The following ANO10 variants were observed in gnomAD, a reference collection of about 807,000 sequenced individuals.
The protein encoded by ANO10 is anoctamin 10.
Under a neutral mutation model 74.7 loss-of-function variants are expected in ANO10, and 77 were observed. The observed-to-expected ratio is 1.03, with a 90% CI of 0.86 to 1.25. The LOEUF (loss-of-function observed/expected upper bound fraction) is 1.25, where lower values mean the gene tolerates loss of function less well. Among genes scored for constraint, ANO10 ranks in the 50% most tolerant of loss-of-function variants. The pLI is 0.00. For missense variants in ANO10, 721 were observed against 778.1 expected (o/e 0.93, Z 0.87); for synonymous variants, 279 against 284.9 (o/e 0.98, Z 0.21).
intron 7 of ANO10, among the ~76,000 whole-genome samples, chr3:43,567,059 A>T (rs374272804): frequency 5.9e-5 from 9 of 152,102 alleles, no homozygotes; most frequent in Non-Finnish European, 1.3e-4. Flanking sequence ...GAGCTGATGC[A>T]ATCAACTGGA....
intron 11 of ANO10, among the ~76,000 whole-genome samples, chr3:43,511,678 A>G (rs930787762): frequency 6.6e-6 from 1 of 152,132 alleles, no homozygotes; most frequent in Non-Finnish European, 1.5e-5. Context: ...CCTGCTACCT[A>G]AGAGGATCAG....
At chr3:43,467,796 T>A (rs1360326804) in intron 11 of ANO10, among the ~76,000 whole-genome samples, 1 of 152,230 alleles carries the variant, frequency 6.6e-6, no homozygotes, top group Non-Finnish European at 1.5e-5. Context: ...GCAGTGATCC[T>A]TCCTTAACTC....
chr3:43,505,724 G>C lies in ANO10; in HGVS notation c.1797+43996C>G, dbSNP rs989219366. On this transcript the variant is annotated intron_variant, in intron 11 of 12. Transcript: ENST00000292246. ...AGAAATGAAAAACTGTCAGCCAGTGGGTTTGAATTTGTTATTATTCTGCAG... is the reference window on the plus strand; with the variant it reads ...AGAAATGAAAAACTGTCAGCCAGTGCGTTTGAATTTGTTATTATTCTGCAG... Among the ~76,000 whole-genome samples the C allele has an allele frequency of 3.3e-5, 5 of 152,058 alleles. No individual in the cohort carries two copies. The South Asian group carries it at 6.2e-4, about 19-fold the overall frequency.
chr3:43,396,787 A>G (rs114352883), intron 12 of ANO10, among the ~76,000 whole-genome samples: 195 of 151,852 alleles, frequency 1.3e-3, no homozygotes, highest in African/African-American at 4.6e-3. Flanking sequence ...TCCTGCCTTC[A>G]CCTCCTGAAT....
intron 11 of ANO10, among the ~76,000 whole-genome samples, chr3:43,539,260 C>A (rs931172201): frequency 6.6e-6 from 1 of 152,098 alleles, no homozygotes; most frequent in Admixed American, 6.5e-5. Context: ...GCTCAACACA[C>A]AACTCAATAT....
chr3:43,373,216 CA>C (rs2091680914), intron 12 of ANO10, among the ~76,000 whole-genome samples: 1 of 151,364 alleles, frequency 6.6e-6, no homozygotes, highest in Non-Finnish European at 1.5e-5. Context: ...GGGTGAGGGT[CA>C]GGGGTGGAGT....
intron 12 of ANO10, among the ~76,000 whole-genome samples, chr3:43,411,901 G>C (rs2092670855): frequency 6.6e-6 from 1 of 151,822 alleles, no homozygotes; most frequent in South Asian, 2.1e-4. Context: ...CAAAGACTTA[G>C]TTTTTTTCCT....
At chr3:43,516,466 A>G (rs540511659) in intron 11 of ANO10, among the ~76,000 whole-genome samples, 26 of 152,216 alleles carry the variant, frequency 1.7e-4, no homozygotes, top group Non-Finnish European at 3.5e-4. Flanking sequence ...CGAAAGACAG[A>G]TAAGAGGAGA....
rs1461713006 is a variant in ANO10, at chr3:43,563,424, T to G, written c.1294-2022A>C. On this transcript the variant is annotated intron_variant, in intron 8 of 12. Transcript: ENST00000292246. ...TAAAAGAGTATGGCGAGAGGTTTTT[T>G]TTTTTTTTTTTTTGAGACATCTAAA... is the stretch of plus-strand genomic sequence containing the variant. 6.4e-4 allele frequency among the ~76,000 whole-genome samples: 96 copies of G among 151,054 alleles called. 1 individual carries two copies. Among genetic ancestry groups the G allele is most frequent in the African/African-American group, 2.1e-3 (88 of 41,364 alleles).
chr3:43,679,082 G>A (rs775673710), intron 1 of ANO10, among the ~76,000 whole-genome samples: 21 of 152,210 alleles, frequency 1.4e-4, no homozygotes, highest in Admixed American at 5.2e-4. Flanking sequence ...GGGGAGTGTC[G>A]GACAGTGGGT....
chr3:43,585,658 C>T (rs919198019), intron 4 of ANO10, among the ~76,000 whole-genome samples: 1 of 152,188 alleles, frequency 6.6e-6, no homozygotes, highest in Non-Finnish European at 1.5e-5. Flanking sequence ...GTGATTTCCA[C>T]ATTATCAATG....
At chr3:43,608,372 G>GTCTT (rs2082657087) in intron 1 of ANO10, among the ~76,000 whole-genome samples, 1 of 152,070 alleles carries the variant, frequency 6.6e-6, no homozygotes, top group Non-Finnish European at 1.5e-5. Context: ...CTGAGACAGG[G>GTCTT]TCTCACTCTT....
At chr3:43,613,997 G>C (rs190870261) in intron 1 of ANO10, among the ~76,000 whole-genome samples, 117 of 152,192 alleles carry the variant, frequency 7.7e-4, no homozygotes, top group African/African-American at 2.5e-3. Flanking sequence ...GTTCAACTTA[G>C]ACTAGATACA....
chr3:43,585,571 A>C (rs2081442666), intron 4 of ANO10, among the ~76,000 whole-genome samples: 2 of 152,324 alleles, frequency 1.3e-5, no homozygotes, highest in Admixed American at 6.5e-5. Context: ...ATCTGATCAA[A>C]GAGCACACAC....
At chr3:43,584,333 A>G (rs1344999259) in intron 4 of ANO10, among the ~76,000 whole-genome samples, 6 of 152,216 alleles carry the variant, frequency 3.9e-5, no homozygotes, top group Non-Finnish European at 1.5e-5. Context: ...ACAGGCATAT[A>G]ACTCCACTTG....
intron 11 of ANO10, among the ~76,000 whole-genome samples, chr3:43,520,305 AAAC>A (rs1313525832): frequency 6.6e-6 from 1 of 152,188 alleles, no homozygotes; most frequent in African/African-American, 2.4e-5. Context: ...GATAGCTTAT[AAAC>A]AACAGAAATT....
chr3:43,527,036 AACAC>A (rs56025632), intron 11 of ANO10, among the ~76,000 whole-genome samples: 18 of 147,168 alleles, frequency 1.2e-4, no homozygotes, highest in South Asian at 6.5e-4. Flanking sequence ...ATGGATGTAA[AACAC>A]ACACACACAC....
chr3:43,533,376 T>C (rs2078559695), intron 11 of ANO10, among the ~76,000 whole-genome samples: 1 of 152,202 alleles, frequency 6.6e-6, no homozygotes, highest in Admixed American at 6.5e-5. Context: ...TATACTTATA[T>C]CACATGTAAG....
At chr3:43,690,303 C>T (rs1342222824) in intron 1 of ANO10, 1 of 152,400 alleles carries the variant, frequency 6.6e-6, no homozygotes, top group Non-Finnish European at 1.5e-5. Context: ...AATCCGCCCG[C>T]CTTGGCCGCC....
Sources: gnomAD v4.1 joint callset for allele counts (sites outside exome capture counted in the v4.1 genomes callset) on GRCh38, gnomAD v4.1.1 for gene constraint, MANE v1.5 for transcripts, NCBI Gene and HGNC (gene_info 2026-07-23, HGNC 2026-07-21) for gene names.